TM7SF3: variants seen among roughly 807,000 people sequenced by gnomAD.
TM7SF3 encodes transmembrane 7 superfamily member 3.
Under a neutral mutation model 65.5 loss-of-function variants are expected in TM7SF3, and 60 were observed. The observed-to-expected ratio is 0.92, with a 90% confidence interval of 0.74 to 1.14. TM7SF3 has a LOEUF of 1.14. TM7SF3 is among the 50% of genes most tolerant of loss of function. The probability of loss-of-function intolerance (pLI) is 0.00; values close to 1 mark genes in which losing one functional copy is unlikely to be tolerated. For synonymous variants in TM7SF3, 264 were observed against 259.6 expected (o/e 1.02, Z -0.16); for missense variants, 623 against 684.8 (o/e 0.91, Z 1.01).
chr12:26,988,824 TACCTCCCCTTCC>T (rs1387315785), intron 6 of TM7SF3, among the ~76,000 whole-genome samples: 1 of 151,878 alleles, frequency 6.6e-6, no homozygotes, highest in Non-Finnish European at 1.5e-5. Flanking sequence ...CTGCCTCTCC[TACCTCCCCTTCC>T]ACCTCTGCCA....
rs776808273 is a variant in TM7SF3, at chr12:27,003,202, A to T, written c.246+34T>A. 3 of 1,519,070 alleles carry T rather than the reference A, an allele frequency of 2.0e-6. No homozygotes were observed. In the Admixed American group the frequency reaches 5.6e-5, roughly 28 times the overall value. 94.1% of individuals were successfully genotyped at this position (1,519,070 alleles called of 1,614,324 possible). ...AAATACCAGACCCCCAAAATATAGA[A>T]ATGATTTTTACTAAAATAATTCTTT... On this transcript the variant is annotated intron_variant, in intron 2 of 11. Transcript: ENST00000343028.
chr12:26,977,333 T>C (rs928762684), intron 9 of TM7SF3, among the ~76,000 whole-genome samples: 6 of 152,272 alleles, frequency 3.9e-5, no homozygotes, highest in Non-Finnish European at 8.8e-5. Context: ...TTACGATGCA[T>C]GCATGTGAAG....
Position 26,986,611 on chromosome 12 carries a change from G to A in TM7SF3, c.869-3752C>T, listed in dbSNP as rs537574554. ...ACTGATTTTTTTTTTCTTTAACAGC[G>A]GGATACGGCTCTAGCAGAGGTAGAG... On this transcript the variant is annotated intron_variant, in intron 6 of 11. Coordinates refer to ENST00000343028, the MANE Select transcript of TM7SF3 (RefSeq NM_016551.3). Among the ~76,000 whole-genome samples, 19 of 151,856 alleles carry A rather than the reference G, an allele frequency of 1.3e-4. No individual in the cohort carries two copies. The South Asian group carries it at 3.5e-3, about 28-fold the overall frequency.
chr12:27,007,807 G>A (rs554089008), intron 1 of TM7SF3, among the ~76,000 whole-genome samples: 48 of 152,230 alleles, frequency 3.2e-4, no homozygotes, highest in Middle Eastern at 6.8e-3. Flanking sequence ...TTATTTGGAC[G>A]AATTCAATTG....
intron 9 of TM7SF3, chr12:26,978,188 T>A: frequency 3.2e-6 from 1 of 314,444 alleles, no homozygotes; most frequent in Non-Finnish European, 6.3e-6. Flanking sequence ...TAAACAAACA[T>A]ATATAAAGGG....
chr12:26,994,661 GAT>G (rs1441917183), intron 5 of TM7SF3, among the ~76,000 whole-genome samples: 2 of 152,170 alleles, frequency 1.3e-5, no homozygotes, highest in Admixed American at 6.5e-5. Context: ...TCACCTGAGG[GAT>G]ATAAAATGCA....
chr12:26,980,281 T>C (rs1354558391), intron 8 of TM7SF3: 1 of 527,436 alleles, frequency 1.9e-6, no homozygotes, highest in African/African-American at 1.9e-5. Flanking sequence ...ATTTTGCTTG[T>C]TGTACATCTC....
chr12:27,013,800 G>A (rs577549787), intron 1 of TM7SF3, among the ~76,000 whole-genome samples: 4 of 152,196 alleles, frequency 2.6e-5, no homozygotes, highest in African/African-American at 7.2e-5. Context: ...AAACATGGCT[G>A]CTCCCTAAGG....
intron 4 of TM7SF3, 142 bp downstream of exon 4, chr12:26,996,600 A>G: frequency 1.3e-6 from 1 of 768,310 alleles, no homozygotes; most frequent in South Asian, 2.1e-5. Flanking sequence ...TTAATAGTGA[A>G]GTTTAAATTA....
chr12:26,999,911 AGTACCACAG>A, intron 2 of TM7SF3: 1 of 450,796 alleles, frequency 2.2e-6, no homozygotes, highest in East Asian at 3.6e-5. Context: ...GCTATAACAA[AGTACCACAG>A]GTAAGGTGGT....
intron 2 of TM7SF3, 23 bp from the exon 3 acceptor site, chr12:26,999,699 T>C (rs757507565): frequency 6.2e-7 from 1 of 1,612,918 alleles, no homozygotes; most frequent in African/African-American, 1.3e-5. Flanking sequence ...AGAAACATTG[T>C]CATGAATAGG....
intron 4 of TM7SF3, among the ~76,000 whole-genome samples, chr12:26,996,503 A>G (rs1315015297): frequency 6.6e-6 from 1 of 152,242 alleles, no homozygotes; most frequent in Non-Finnish European, 1.5e-5. Context: ...TTTCAAGCTC[A>G]TAATAGACTC....
At chr12:26,990,307 T>TA in intron 6 of TM7SF3, 143 bp downstream of exon 6, 1 of 554,676 alleles carries the variant, frequency 1.8e-6, no homozygotes. Flanking sequence ...CTGTTTTGTT[T>TA]ACTGCTATGT....
chr12:26,992,424 G>A (rs1040920890), intron 5 of TM7SF3, among the ~76,000 whole-genome samples: 8 of 151,960 alleles, frequency 5.3e-5, no homozygotes, highest in African/African-American at 1.2e-4. Context: ...GACTACAGGC[G>A]CCCGCCACCA....
chr12:26,986,873 C>A (rs562509652), intron 6 of TM7SF3, among the ~76,000 whole-genome samples: 1 of 152,200 alleles, frequency 6.6e-6, no homozygotes, highest in South Asian at 2.1e-4. Context: ...GCTGACCTAT[C>A]AGCAGCATCT....
intron 6 of TM7SF3, among the ~76,000 whole-genome samples, chr12:26,985,876 C>T (rs1592282712): frequency 9.7e-6 from 1 of 103,450 alleles, no homozygotes; most frequent in African/African-American, 4.0e-5. Flanking sequence ...TGCAGTGGCG[C>T]GATCTTGGCT....
intron 10 of TM7SF3, 139 bp from the exon 11 acceptor site, chr12:26,975,797 A>G (rs1939540377): frequency 1.2e-6 from 1 of 847,430 alleles, no homozygotes; most frequent in Non-Finnish European, 1.8e-6. Context: ...AGAGCTGAAC[A>G]GAAGTTCCCT....
intron 5 of TM7SF3, among the ~76,000 whole-genome samples, chr12:26,992,655 T>G (rs1287574945): frequency 6.6e-6 from 1 of 152,202 alleles, no homozygotes; most frequent in Non-Finnish European, 1.5e-5. Flanking sequence ...CTGTAAAATG[T>G]TAGCTATTAC....
rs1303644467 is a variant in TM7SF3 at position 26,999,635 on chromosome 12, T to C, written c.288A>G (p.Gly96=). Residue 96 remains glycine, a synonymous_variant, in exon 3 of 12, where the codon GGA becomes GGG. Transcript: ENST00000343028. ...GCTCTGGTCTAAGGATGAAAACCAGTCCACTGGCAGTGCCTGTTTCCGAGG... is the reference window on the plus strand; with the variant it reads ...GCTCTGGTCTAAGGATGAAAACCAGCCCACTGGCAGTGCCTGTTTCCGAGG... ...SNSSETGTAS[G]LVFILRPEQS... is the part of the protein sequence containing the mutation. The C allele has an allele frequency of 6.2e-7, 1 of 1,614,110 alleles. No individual in the cohort carries two copies. Among genetic ancestry groups the C allele is most frequent in the East Asian group, 2.2e-5 (1 of 44,874 alleles).
Sources: gnomAD v4.1 joint callset for allele counts (sites outside exome capture counted in the v4.1 genomes callset) on GRCh38, gnomAD v4.1.1 for gene constraint, MANE v1.5 for transcripts, NCBI Gene and HGNC (gene_info 2026-07-23, HGNC 2026-07-21) for gene names.